EDEM3: variants seen among roughly 807,000 people sequenced by gnomAD.
EDEM3 encodes the protein ER degradation-enhancing alpha-mannosidase-like protein 3.
EDEM3 carries 60 observed loss-of-function variants against 110.2 expected under a neutral mutation model. The observed-to-expected ratio is 0.54, with a 90% CI of 0.44 to 0.67. EDEM3 has a LOEUF of 0.67. Among genes scored for constraint, EDEM3 ranks in the 30% least tolerant of loss-of-function variants. EDEM3 has a pLI of 0.00. For synonymous variants in EDEM3, 352 were observed against 382.9 expected (o/e 0.92, Z 0.94); for missense variants, 996 against 1,121.0 (o/e 0.89, Z 1.59).
chr1:184,697,360 A>T (rs11808675), intron 19 of EDEM3, among the ~76,000 whole-genome samples: 65,453 of 151,598 alleles, frequency 0.43, 14,328 homozygotes, highest in East Asian at 0.63. Flanking sequence ...TTTTCGTTTT[A>T]GAACCAGATA....
Position 184,721,391 on chromosome 1 carries a change from G to A in EDEM3, c.854-5C>T. 3 of 1,569,920 alleles carry A rather than the reference G, an allele frequency of 1.9e-6. No homozygotes were observed. The highest frequency in any genetic ancestry group is 2.6e-6 in the Non-Finnish European group (3 of 1,165,276). ...TCCCTGCTCCAACTCCACTATCTATGGAAACACAAATGTGATTTTTCATTA... is the reference window on the plus strand; with the variant it reads ...TCCCTGCTCCAACTCCACTATCTATAGAAACACAAATGTGATTTTTCATTA... On this transcript the variant is annotated splice_polypyrimidine_tract_variant and splice_region_variant and intron_variant, in intron 8 of 19. Transcript: ENST00000318130.
In EDEM3 at chr1:184,691,636, CAACT is replaced by C. The variant is rs1354445169; in HGVS notation, c.*2423_*2426del. ...AACAAAACACTAAAAAAAAAAAAAA[CAACT>C]AATGCCTTTGGAATTTTTAATGAAC... On this transcript the variant is annotated 3_prime_UTR_variant, in exon 20 of 20. Coordinates refer to ENST00000318130, the MANE Select transcript of EDEM3 (RefSeq NM_025191.4). The C allele has an allele frequency of 1.4e-5, 2 of 141,934 alleles. No homozygotes were observed. Among genetic ancestry groups the C allele is most frequent in the African/African-American group, 5.2e-5 (2 of 38,388 alleles). The allele number at this position is 141,934 out of a possible 1,614,324, so 8.8% of individuals were successfully genotyped here.
intron 15 of EDEM3, 49 bp from the exon 16 acceptor site, chr1:184,710,596 T>G (rs1650172212): frequency 6.5e-7 from 1 of 1,526,960 alleles, no homozygotes; most frequent in Non-Finnish European, 8.8e-7. Flanking sequence ...AAATTAGAAT[T>G]GGCAAAAAAC....
Position 184,711,706 on chromosome 1 carries a change from A to G in EDEM3, c.1691+17T>C, listed in dbSNP as rs754942379. ...AAACAACTTTGATATTAGAAAATAT[A>G]AAATAATACATCTTACACTCTGATG... On this transcript the variant is annotated intron_variant, in intron 15 of 19. Coordinates refer to ENST00000318130, the MANE Select transcript of EDEM3 (RefSeq NM_025191.4). 9.6e-6 allele frequency: 15 copies of G among 1,555,330 alleles called. No individual in the cohort carries two copies. The highest frequency in any genetic ancestry group is 1.3e-5 in the Non-Finnish European group (15 of 1,154,676).
intron 18 of EDEM3, 39 bp from the exon 19 acceptor site, chr1:184,703,035 A>T (rs1395019575): frequency 1.3e-6 from 2 of 1,497,912 alleles, no homozygotes; most frequent in Non-Finnish European, 9.0e-7. Flanking sequence ...CAAAATATCC[A>T]GCCATTAAAA....
rs866790810 is a variant in EDEM3 at position 184,728,755 on chromosome 1, A to G, written c.613-2366T>C. Among the ~76,000 whole-genome samples the G allele has an allele frequency of 3.9e-5, 6 of 152,058 alleles. No individual in the cohort carries two copies. The South Asian group carries it at 1.2e-3, about 32-fold the overall frequency. On this transcript the variant is annotated intron_variant, in intron 6 of 19. Coordinates refer to ENST00000318130, the MANE Select transcript of EDEM3 (RefSeq NM_025191.4). The stretch of plus-strand genomic sequence containing the variant: ...CTCCCAAGCAGCTGGAATTACAGGC[A>G]CACACCACTACATCCAGCTAATTTT...
At chr1:184,694,630 C>G (rs1215916646) in intron 19 of EDEM3, among the ~76,000 whole-genome samples, 158 bp from the exon 20 acceptor site, 1 of 152,050 alleles carries the variant, frequency 6.6e-6, no homozygotes, top group Non-Finnish European at 1.5e-5. Context: ...TGAAGACTGT[C>G]TTTATGCAGT....
At position 184,708,151 on chromosome 1, in the gene EDEM3, A is replaced by G; in HGVS notation, c.2037+2T>C. ...CAACAACTATATTTTAAGTATACAT[A>G]CCTCTTTATGTTTAGACAGATCCAG... On this transcript the variant is annotated splice_donor_variant, in intron 17 of 19. Transcript: ENST00000318130. LOFTEE classifies it high-confidence loss of function. 4.4e-6 allele frequency: 7 copies of G among 1,607,452 alleles called. No individual in the cohort carries two copies. The highest frequency in any genetic ancestry group is 5.9e-6 in the Non-Finnish European group (7 of 1,177,398).
chr1:184,730,378 C>T (rs1408122498), intron 6 of EDEM3, among the ~76,000 whole-genome samples: 1 of 152,042 alleles, frequency 6.6e-6, no homozygotes, highest in African/African-American at 2.4e-5. Flanking sequence ...GCCCAGGAGT[C>T]TGAGACTAGC....
At position 184,694,015 on chromosome 1, in the gene EDEM3, C is replaced by T. The variant is rs1649198983; in HGVS notation, c.*48G>A. On this transcript the variant is annotated 3_prime_UTR_variant, in exon 20 of 20. Transcript: ENST00000318130. ...TATTAGGATGTCTATTAACCACACA[C>T]AGTTTACCTTTTCTTTTTAAATACC... is the stretch of plus-strand genomic sequence containing the variant. 3 of 1,564,510 alleles carry T rather than the reference C, an allele frequency of 1.9e-6. No homozygotes were observed. Among genetic ancestry groups the T allele is most frequent in the African/African-American group, 2.7e-5 (2 of 73,370 alleles).
chr1:184,712,678 G>T, intron 13 of EDEM3, 80 bp from the exon 14 acceptor site: 1 of 979,484 alleles, frequency 1.0e-6, no homozygotes, highest in Non-Finnish European at 1.5e-6. Flanking sequence ...TAGAGTCAAG[G>T]TTAATAATCC....
chr1:184,740,603 G>A (rs1652083174), intron 2 of EDEM3, among the ~76,000 whole-genome samples: 1 of 152,152 alleles, frequency 6.6e-6, no homozygotes, highest in Admixed American at 6.5e-5. Context: ...TAGTCGCCCC[G>A]TGATAATCCT....
chr1:184,737,145 C>G (rs1458200139), intron 3 of EDEM3, 81 bp from the exon 4 acceptor site: 22 of 1,181,820 alleles, frequency 1.9e-5, no homozygotes, highest in Non-Finnish European at 2.6e-5. Flanking sequence ...TATCTACATT[C>G]TATTGACTGG....
intron 6 of EDEM3, among the ~76,000 whole-genome samples, chr1:184,729,847 T>C (rs751511864): frequency 9.9e-5 from 15 of 152,204 alleles, no homozygotes; most frequent in Non-Finnish European, 1.5e-4. Context: ...CTGCTTCTCA[T>C]GTTACGGCAA....
intron 18 of EDEM3, among the ~76,000 whole-genome samples, chr1:184,703,306 A>T (rs1243927617): frequency 3.3e-5 from 5 of 152,192 alleles, no homozygotes; most frequent in Non-Finnish European, 7.4e-5. Flanking sequence ...TACATTTAAA[A>T]AGTAGAATAC....
chr1:184,712,378 AAATAAAACATGTAG>A (rs1650296059), intron 14 of EDEM3, 41 bp downstream of exon 14: 1 of 1,488,988 alleles, frequency 6.7e-7, no homozygotes, highest in African/African-American at 1.4e-5. Context: ...TCACTTGGAA[AAATAAAACATGTAG>A]AAATAAAAAA....
At chr1:184,695,276 T>C (rs776948602) in intron 19 of EDEM3, among the ~76,000 whole-genome samples, 1 of 152,042 alleles carries the variant, frequency 6.6e-6, no homozygotes, top group Non-Finnish European at 1.5e-5. Context: ...AAGTCATCAT[T>C]TGCATAGTGC....
At chr1:184,695,072 A>C (rs1187204359) in intron 19 of EDEM3, among the ~76,000 whole-genome samples, 1 of 152,052 alleles carries the variant, frequency 6.6e-6, no homozygotes, top group African/African-American at 2.4e-5. Flanking sequence ...ATGAATTATA[A>C]GATATAGTCA....
At position 184,737,005 on chromosome 1, in the gene EDEM3, C is replaced by G; in HGVS notation, c.345+20G>C. Reference sequence around the variant, plus strand: ...TGTGCATATCATGAATAAAATAAATCCAAGAAGAGTCAAACCTACCACAAG... The same window carrying G: ...TGTGCATATCATGAATAAAATAAATGCAAGAAGAGTCAAACCTACCACAAG... On this transcript the variant is annotated intron_variant, in intron 4 of 19. Transcript: ENST00000318130. The G allele has an allele frequency of 6.2e-7, 1 of 1,601,644 alleles. No individual in the cohort carries two copies. The highest frequency in any genetic ancestry group is 1.7e-5 in the Admixed American group (1 of 59,920).
Sources: allele counts gnomAD v4.1 joint callset (sites outside exome capture counted in the v4.1 genomes callset), GRCh38; gene constraint gnomAD v4.1.1; transcripts MANE v1.5; gene names NCBI Gene and HGNC (gene_info 2026-07-23, HGNC 2026-07-21).